The following EIF2AK2 variants were observed in gnomAD, a reference collection of about 807,000 sequenced individuals.
The protein encoded by EIF2AK2 is eukaryotic translation initiation factor 2 alpha kinase 2.
Under a neutral mutation model 70.5 loss-of-function variants are expected in EIF2AK2, and 40 were observed. The observed-to-expected ratio is 0.57, with a 90% CI of 0.44 to 0.74. EIF2AK2 has a LOEUF of 0.74. EIF2AK2 is among the 30% of genes least tolerant of loss of function. The pLI, the probability that EIF2AK2 is intolerant of heterozygous loss-of-function variation, is 0.00. For synonymous variants in EIF2AK2, 198 were observed against 220.9 expected (o/e 0.90, Z 0.92); for missense variants, 555 against 644.3 (o/e 0.86, Z 1.50).
chr2:37,145,015 CAAAGTTTAAAAGTTAAAAAAA>C (rs1015238411), intron 4 of EIF2AK2, among the ~76,000 whole-genome samples: 15 of 148,178 alleles, frequency 1.0e-4, no homozygotes, highest in Admixed American at 2.7e-4. Context: ...TTTTTTACAA[CAAAGTTTAAAAGTTAAAAAAA>C]AAAGTTTAAA....
At chr2:37,108,608 C>A (rs548558135) in intron 15 of EIF2AK2, among the ~76,000 whole-genome samples, 252 of 152,256 alleles carry the variant, frequency 1.7e-3, no homozygotes, top group African/African-American at 5.8e-3. Flanking sequence ...GTCACTCTGT[C>A]ACCCAGGCTG....
At chr2:37,127,075 T>C (rs1674767281) in intron 10 of EIF2AK2, among the ~76,000 whole-genome samples, 1 of 147,142 alleles carries the variant, frequency 6.8e-6, no homozygotes, top group Non-Finnish European at 1.5e-5. Context: ...GCTACTATCA[T>C]CAAGCTTTTA....
In EIF2AK2 at chr2:37,104,099, C is replaced by A. The variant is rs1673895149; in HGVS notation, c.*3174G>T. ...AGGTTGCAGTGAGCCGAGATCGTGC[C>A]ACTGCACTCCAGCCTGGGCGACACA... On this transcript the variant is annotated 3_prime_UTR_variant, in exon 17 of 17. Transcript: ENST00000233057. 6.6e-6 allele frequency: 1 copy of A among 152,282 alleles called. No homozygotes were observed. The highest frequency in any genetic ancestry group is 1.5e-5 in the Non-Finnish European group (1 of 68,124). 9.4% of individuals were successfully genotyped at this position (152,282 alleles called of 1,614,324 possible).
At chr2:37,121,637 T>C (rs1573009552) in intron 12 of EIF2AK2, among the ~76,000 whole-genome samples, 1 of 146,046 alleles carries the variant, frequency 6.8e-6, no homozygotes, top group Non-Finnish European at 1.5e-5. Context: ...TTTTTTTTTT[T>C]GCTAACCACG....
intron 1 of EIF2AK2, among the ~76,000 whole-genome samples, chr2:37,155,950 A>AAAAAAAGAAAAG (rs10638880): frequency 1.4e-5 from 2 of 138,980 alleles, no homozygotes; most frequent in African/African-American, 5.3e-5. Context: ...AAAAAAAAAA[A>AAAAAAAGAAAAG]AAAAGAAAAG....
chr2:37,102,478 C>A lies in EIF2AK2; in HGVS notation c.*4795G>T, dbSNP rs1673850111. 1 of 152,060 alleles carries A rather than the reference C, an allele frequency of 6.6e-6. No homozygotes were observed. The highest frequency in any genetic ancestry group is 1.5e-5 in the Non-Finnish European group (1 of 68,012). 9.4% of individuals were successfully genotyped at this position (152,060 alleles called of 1,614,324 possible). A position where few individuals can be genotyped will look rare whatever the true frequency, so the allele number is the denominator to read the frequency against. ...AGAATCTCAAATTATGGTGAACACTCAGTGGGGACTGCATATTGTGAGTTA... is the reference window on the plus strand; with the variant it reads ...AGAATCTCAAATTATGGTGAACACTAAGTGGGGACTGCATATTGTGAGTTA... On this transcript the variant is annotated 3_prime_UTR_variant, in exon 17 of 17. Transcript: ENST00000233057.
rs372927806 is a variant in EIF2AK2, at chr2:37,138,307, G to T, written c.650C>A (p.Ser217Tyr). The stretch of plus-strand genomic sequence containing the variant: ...AGAACTGTTTAAACTGTCACTGTTA[G>T]AATTTATCTCTGATGTATCTGCTGA... ...DFSADTSEIN[S>Y]NSDSLNSSSL... is the part of the protein sequence containing the mutation. The change falls in exon 8 of 17, where the codon TCT becomes TAT. Residue 217 changes from serine (S) to tyrosine (Y), a missense_variant. Around this residue, in one of 3 missense-constraint regions of EIF2AK2, gnomAD observed 208 missense variants for 191.8 expected, o/e 1.08. Coordinates refer to ENST00000233057, the MANE Select transcript of EIF2AK2 (RefSeq NM_001135651.3). 1.2e-6 allele frequency: 2 copies of T among 1,613,808 alleles called. No individual in the cohort carries two copies. Among genetic ancestry groups the T allele is most frequent in the Non-Finnish European group, 1.7e-6 (2 of 1,179,936 alleles).
At chr2:37,131,604 T>C (rs1674940964) in intron 10 of EIF2AK2, among the ~76,000 whole-genome samples, 1 of 152,190 alleles carries the variant, frequency 6.6e-6, no homozygotes, top group African/African-American at 2.4e-5. Flanking sequence ...AACACTGATT[T>C]TGGACCCTGA....
intron 14 of EIF2AK2, among the ~76,000 whole-genome samples, chr2:37,110,350 C>G (rs568040235): frequency 3.3e-5 from 5 of 151,878 alleles, no homozygotes; most frequent in Non-Finnish European, 7.4e-5. Flanking sequence ...CCCACCTCAG[C>G]CTCCCAAAGT....
intron 1 of EIF2AK2, among the ~76,000 whole-genome samples, chr2:37,151,720 G>A (rs1352829818): frequency 4.6e-5 from 7 of 152,054 alleles, no homozygotes; most frequent in Non-Finnish European, 1.0e-4. Context: ...TGAACAAAAT[G>A]TGAAATATAT....
chr2:37,114,612 T>C, intron 14 of EIF2AK2, 119 bp downstream of exon 14: 4 of 878,342 alleles, frequency 4.6e-6, no homozygotes, highest in Non-Finnish European at 6.2e-6. Flanking sequence ...AAAAGAATGG[T>C]AAGGAAAATT....
At chr2:37,110,784 CA>C (rs928048276) in intron 14 of EIF2AK2, among the ~76,000 whole-genome samples, 17 of 150,524 alleles carry the variant, frequency 1.1e-4, no homozygotes, top group South Asian at 4.2e-4. Context: ...GCAATCAACC[CA>C]AAAAAAAATC....
chr2:37,120,131 G>A lies in EIF2AK2; in HGVS notation c.1076C>T (p.Thr359Ile). Residue 359 changes from threonine (T) to isoleucine (I), a missense_variant, in exon 13 of 17, where the codon ACT (threonine) becomes ATT (isoleucine). Thr to Ile is a moderately conservative substitution (Grantham distance 89). Around this residue, in one of 3 missense-constraint regions of EIF2AK2, gnomAD observed 299 missense variants for 375.4 expected, o/e 0.80. Coordinates refer to ENST00000233057, the MANE Select transcript of EIF2AK2 (RefSeq NM_001135651.3). The part of the protein sequence containing the change: ...ENSKNSSRSK[T>I]KCLFIQMEFC... Reference sequence around the variant, plus strand: ...TTCCATTTGGATGAAAAGGCACTTAGTCTTTGACCTGGGTATAAAATTCAC... The same window carrying A: ...TTCCATTTGGATGAAAAGGCACTTAATCTTTGACCTGGGTATAAAATTCAC... The A allele has an allele frequency of 7.0e-7, 1 of 1,437,464 alleles. No individual in the cohort carries two copies. The highest frequency in any genetic ancestry group is 9.2e-7 in the Non-Finnish European group (1 of 1,090,240). 89.0% of individuals were successfully genotyped at this position (1,437,464 alleles called of 1,614,324 possible).
intron 4 of EIF2AK2, 142 bp downstream of exon 4, chr2:37,146,711 T>C (rs1675552023): frequency 6.0e-6 from 6 of 1,004,914 alleles, no homozygotes; most frequent in Middle Eastern, 3.0e-4. Flanking sequence ...GAAATGAAGA[T>C]AGGGTGAATG....
chr2:37,153,490 C>A (rs1675818794), intron 1 of EIF2AK2, among the ~76,000 whole-genome samples: 1 of 152,060 alleles, frequency 6.6e-6, no homozygotes, highest in African/African-American at 2.4e-5. Context: ...TAGGCGTGGG[C>A]ATGCCTGGTT....
chr2:37,141,708 A>G lies in EIF2AK2; in HGVS notation c.241-7T>C, dbSNP rs925621158. ...ATAATAAAGGACTAACTGCCTACAA[A>G]GAAAAAAAATTCCTGTTTAATATAA... On this transcript the variant is annotated splice_polypyrimidine_tract_variant and splice_region_variant and intron_variant, in intron 4 of 16. Coordinates refer to ENST00000233057, the MANE Select transcript of EIF2AK2 (RefSeq NM_001135651.3). 6.3e-7 allele frequency: 1 copy of G among 1,593,922 alleles called. No individual in the cohort carries two copies. Among genetic ancestry groups the G allele is most frequent in the Non-Finnish European group, 8.5e-7 (1 of 1,173,332 alleles).
At chr2:37,131,668 T>C (rs1448188453) in intron 10 of EIF2AK2, among the ~76,000 whole-genome samples, 2 of 152,072 alleles carry the variant, frequency 1.3e-5, no homozygotes, top group Non-Finnish European at 2.9e-5. Flanking sequence ...TTTTACCACC[T>C]TACTTCCACT....
Position 37,099,642 on chromosome 2 carries a change from G to C in EIF2AK2, c.*7631C>G, listed in dbSNP as rs1673777294. 1 of 152,146 alleles carries C rather than the reference G, an allele frequency of 6.6e-6. No homozygotes were observed. The highest frequency in any genetic ancestry group is 2.4e-5 in the African/African-American group (1 of 41,434). 9.4% of individuals were successfully genotyped at this position (152,146 alleles called of 1,614,324 possible). A position where few individuals can be genotyped will look rare whatever the true frequency, so the allele number is the denominator to read the frequency against. On this transcript the variant is annotated 3_prime_UTR_variant, in exon 17 of 17. Coordinates refer to ENST00000233057, the MANE Select transcript of EIF2AK2 (RefSeq NM_001135651.3). ...GAGGAAAGAGTTACTGTATAATCCA[G>C]CCATTCTCCTAGGAATATACATCCA...
intron 10 of EIF2AK2, among the ~76,000 whole-genome samples, chr2:37,132,804 A>G (rs1278214916): frequency 6.6e-6 from 1 of 152,192 alleles, no homozygotes; most frequent in African/African-American, 2.4e-5. Flanking sequence ...CCATCAAGCC[A>G]GGGGACACCT....
Sources: allele counts gnomAD v4.1 joint callset (sites outside exome capture counted in the v4.1 genomes callset), GRCh38; gene constraint gnomAD v4.1.1; regional missense constraint gnomAD v4.1.1; transcripts MANE v1.5; gene names NCBI Gene and HGNC (gene_info 2026-07-23, HGNC 2026-07-21).